CTSB: variants seen among roughly 807,000 people sequenced by gnomAD.
CTSB encodes APP secretase.
A neutral mutation model predicts 44.3 loss-of-function variants in CTSB; 57 were observed. The observed-to-expected ratio is 1.29, with a 90% confidence interval of 1.04 to 1.60. The LOEUF (loss-of-function observed/expected upper bound fraction) is 1.60, where lower values mean the gene tolerates loss of function less well. Ranked by LOEUF, CTSB falls within the 40% of genes most tolerant of loss-of-function variation. CTSB has a pLI of 0.00. For missense variants in CTSB, 768 were observed against 443.0 expected (o/e 1.73, Z -6.59); for synonymous variants, 320 against 168.0 (o/e 1.91, Z -7.00).
chr8:11,855,756 G>T (rs1055472750), intron 1 of CTSB, among the ~76,000 whole-genome samples: 1 of 152,174 alleles, frequency 6.6e-6, no homozygotes, highest in Non-Finnish European at 1.5e-5. Flanking sequence ...GGTGGCTCAA[G>T]CTTGTAATCT....
Position 11,844,796 on chromosome 8 carries a change from C to T in CTSB, c.*329G>A, listed in dbSNP as rs1417598707. 2 of 259,416 alleles carry T rather than the reference C, an allele frequency of 7.7e-6. No homozygotes were observed. Among genetic ancestry groups the T allele is most frequent in the Non-Finnish European group, 1.5e-5 (2 of 135,074 alleles). The allele number at this position is 259,416 out of a possible 1,614,324, so 16.1% of individuals were successfully genotyped here. A position where few individuals can be genotyped will look rare whatever the true frequency, so the allele number is the denominator to read the frequency against. ...TCATCCTGTTAGGAACTCCGCTTTC[C>T]ATTCCTGCGTCTCTGTCTTGCTCCC... On this transcript the variant is annotated 3_prime_UTR_variant, in exon 10 of 10. Coordinates refer to ENST00000353047, the MANE Select transcript of CTSB (RefSeq NM_001908.5).
At chr8:11,859,158 C>G (rs1815980678) in intron 1 of CTSB, among the ~76,000 whole-genome samples, 2 of 152,114 alleles carry the variant, frequency 1.3e-5, no homozygotes, top group Non-Finnish European at 2.9e-5. Flanking sequence ...AAGGGTGCTC[C>G]TCATATCCTC....
intron 7 of CTSB, among the ~76,000 whole-genome samples, chr8:11,847,417 T>G (rs1380860401): frequency 1.3e-5 from 2 of 152,052 alleles, no homozygotes; most frequent in Non-Finnish European, 2.9e-5. Context: ...ACCTCAAGAC[T>G]CCAGGACACG....
chr8:11,852,766 G>C (rs1347856567), intron 2 of CTSB, 71 bp from the exon 3 acceptor site: 1 of 1,428,766 alleles, frequency 7.0e-7, no homozygotes, highest in South Asian at 1.2e-5. Flanking sequence ...GCCCACACAC[G>C]AAGCCCAACC....
At position 11,845,024 on chromosome 8, in the gene CTSB, C is replaced by T. The variant is rs1019796496; in HGVS notation, c.*101G>A. 45 of 810,904 alleles carry T rather than the reference C, an allele frequency of 5.5e-5. No individual in the cohort carries two copies. The highest frequency in any genetic ancestry group is 3.1e-5 in the Non-Finnish European group (15 of 486,496). 50.2% of individuals were successfully genotyped at this position (810,904 alleles called of 1,614,324 possible). On this transcript the variant is annotated 3_prime_UTR_variant, in exon 10 of 10. Coordinates refer to ENST00000353047, the MANE Select transcript of CTSB (RefSeq NM_001908.5). ...CTGATGTTTGGCCAATCCAGTCCTTCAGACCCTGTCTGAAACTTGTATCTT... is the reference window on the plus strand; with the variant it reads ...CTGATGTTTGGCCAATCCAGTCCTTTAGACCCTGTCTGAAACTTGTATCTT...
chr8:11,864,301 A>G (rs1259323798), intron 1 of CTSB: 1 of 112,056 alleles, frequency 8.9e-6, no homozygotes, highest in Non-Finnish European at 1.7e-5. Flanking sequence ...CAACAGTGAG[A>G]CCCTGTCTCT....
At chr8:11,848,855 C>T (rs1279676257) in intron 5 of CTSB, among the ~76,000 whole-genome samples, 191 bp downstream of exon 5, 2 of 152,200 alleles carry the variant, frequency 1.3e-5, no homozygotes, top group Admixed American at 1.3e-4. Context: ...CTCTGCCGGG[C>T]CAGCCTTGGT....
intron 1 of CTSB, among the ~76,000 whole-genome samples, chr8:11,866,730 G>A (rs1817206046): frequency 6.6e-6 from 1 of 152,122 alleles, no homozygotes; most frequent in African/African-American, 2.4e-5. Context: ...CGTGGTGGCG[G>A]GCACCTGTAA....
chr8:11,848,319 G>C lies in CTSB; in HGVS notation c.447-167C>G, dbSNP rs547052170. 746 of 699,920 alleles carry C rather than the reference G, an allele frequency of 1.1e-3. 11 individuals carry two copies. Among genetic ancestry groups the C allele is most frequent in the South Asian group, 6.6e-3 (443 of 67,020 alleles). The allele number at this position is 699,920 out of a possible 1,614,324, so 43.4% of individuals were successfully genotyped here. The stretch of plus-strand genomic sequence containing the variant: ...CAAACCCTCCAAGGGACGCTCCCTA[G>C]ATAAGCACAGCTTGCAGGGAATAAC... On this transcript the variant is annotated intron_variant, in intron 5 of 9. Transcript: ENST00000353047.
intron 1 of CTSB, among the ~76,000 whole-genome samples, chr8:11,862,770 G>C (rs375045186): frequency 2.0e-5 from 3 of 152,270 alleles, no homozygotes; most frequent in Admixed American, 6.5e-5. Flanking sequence ...AGGTCAGCAC[G>C]TCAGAGGGTC....
intron 1 of CTSB, among the ~76,000 whole-genome samples, chr8:11,865,851 A>AT (rs1563442450): frequency 2.3e-4 from 33 of 141,274 alleles, no homozygotes; most frequent in African/African-American, 7.2e-4. Context: ...TACTAAAAAT[A>AT]CAAAAAAAAA....
Position 11,843,828 on chromosome 8 carries a change from T to C in CTSB, c.*1297A>G, listed in dbSNP as rs1195033576. ...GGCAGACCACCTGAGGCCGGGAGTT[T>C]GAAACTAGCCTGGCCAACATGGTGA... On this transcript the variant is annotated 3_prime_UTR_variant, in exon 10 of 10. Coordinates refer to ENST00000353047, the MANE Select transcript of CTSB (RefSeq NM_001908.5). 33 of 152,282 alleles carry C rather than the reference T, an allele frequency of 2.2e-4. No individual in the cohort carries two copies. Among genetic ancestry groups the C allele is most frequent in the African/African-American group, 7.2e-4 (30 of 41,508 alleles). 9.4% of individuals were successfully genotyped at this position (152,282 alleles called of 1,614,324 possible).
intron 2 of CTSB, 36 bp from the exon 3 acceptor site, chr8:11,852,731 C>T (rs564400087): frequency 1.9e-5 from 30 of 1,593,286 alleles, no homozygotes; most frequent in Admixed American, 1.3e-4. Context: ...AAGGGTCTCC[C>T]GGGATGGCGG....
In CTSB at chr8:11,843,354, C is replaced by T. The variant is rs906326977; in HGVS notation, c.*1771G>A. ...AGCATCTGGTTCCTAAATTCTGAGT[C>T]ACATCAGAAGCCAAACTTGAATGCT... On this transcript the variant is annotated 3_prime_UTR_variant, in exon 10 of 10. Coordinates refer to ENST00000353047, the MANE Select transcript of CTSB (RefSeq NM_001908.5). 6.6e-6 allele frequency: 1 copy of T among 152,176 alleles called. No homozygotes were observed. The highest frequency in any genetic ancestry group is 1.5e-5 in the Non-Finnish European group (1 of 68,030). 9.4% of individuals were successfully genotyped at this position (152,176 alleles called of 1,614,324 possible). A position where few individuals can be genotyped will look rare whatever the true frequency, so the allele number is the denominator to read the frequency against.
intron 1 of CTSB, among the ~76,000 whole-genome samples, chr8:11,857,080 G>C (rs763703252): frequency 1.1e-4 from 17 of 152,158 alleles, no homozygotes; most frequent in Admixed American, 7.2e-4. Context: ...CTGGAGTACA[G>C]TGGCGCAATC....
chr8:11,854,217 T>A (rs1815117804), intron 1 of CTSB, among the ~76,000 whole-genome samples: 1 of 152,116 alleles, frequency 6.6e-6, no homozygotes, highest in African/African-American at 2.4e-5. Context: ...GGCGCCTGCA[T>A]CCAGGGCTGG....
intron 5 of CTSB, 95 bp from the exon 6 acceptor site, chr8:11,848,247 A>G: frequency 9.4e-7 from 1 of 1,062,450 alleles, no homozygotes; most frequent in Non-Finnish European, 1.5e-6. Context: ...CCACTCGTGG[A>G]CCCACCCCCA....
Position 11,847,112 on chromosome 8 carries a change from T to C in CTSB, c.733A>G (p.Lys245Glu). The C allele has an allele frequency of 1.9e-6, 3 of 1,613,990 alleles. No individual in the cohort carries two copies. Among genetic ancestry groups the C allele is most frequent in the South Asian group, 1.1e-5 (1 of 91,082 alleles). ...AAAGCTCCCTCCACGGGGCCGTTTT[T>C]GTAGATCTCGGCCATGATGTCCTTC... ...SEKDIMAEIYKNGPVEGAFSV... is the reference protein window; with the variant it reads ...SEKDIMAEIYENGPVEGAFSV... Residue 245 changes from lysine (K) to glutamate (E), a missense_variant, in exon 8 of 10, where the codon AAA becomes GAA. By Grantham distance (56) the Lys-to-Glu change is moderately conservative (BLOSUM62 1). Transcript: ENST00000353047.
intron 4 of CTSB, 138 bp from the exon 5 acceptor site, chr8:11,849,302 T>A (rs1440713127): frequency 3.4e-6 from 2 of 583,212 alleles, no homozygotes; most frequent in Non-Finnish European, 6.1e-6. Context: ...CTCCTGGGGC[T>A]CAAACTCAGC....
Sources: allele counts gnomAD v4.1 joint callset (sites outside exome capture counted in the v4.1 genomes callset), GRCh38; gene constraint gnomAD v4.1.1; transcripts MANE v1.5; gene names NCBI Gene and HGNC (gene_info 2026-07-23, HGNC 2026-07-21).